The following LRRC61 variants were observed in gnomAD, a reference collection of about 807,000 sequenced individuals.
LRRC61 encodes leucine rich repeat containing 61.
A neutral mutation model predicts 15.1 loss-of-function variants in LRRC61; 9 were observed. The observed-to-expected ratio is 0.60, with a 90% CI of 0.36 to 1.04. The LOEUF is 1.04. Ranked by LOEUF, LRRC61 falls within the 50% of genes least tolerant of loss-of-function variation. LRRC61 has a pLI of 0.01. For missense variants in LRRC61, 344 were observed against 335.6 expected (o/e 1.03, Z -0.20); for synonymous variants, 173 against 158.6 (o/e 1.09, Z -0.68).
chr7:150,334,739 C>T (rs1221768137), intron 2 of LRRC61, among the ~76,000 whole-genome samples: 1 of 152,168 alleles, frequency 6.6e-6, no homozygotes, highest in African/African-American at 2.4e-5. Context: ...AGCCCCGGGC[C>T]GGGTGTGGTG....
In LRRC61 at chr7:150,330,316, G is replaced by A. The variant is rs1041578118; in HGVS notation, c.-145+4306G>A. On this transcript the variant is annotated intron_variant, in intron 2 of 2. Transcript: ENST00000359623. The surrounding 1 kb of genome is among the most constrained non-coding windows in gnomAD (Gnocchi z 4.6). ...CAGCCCCTTCAAGAGTACAAGGGCA[G>A]GCACCAGCTGGGGAAGGCTGGTGTT... 1 of 720,296 alleles carries A rather than the reference G, an allele frequency of 1.4e-6. No individual in the cohort carries two copies. The highest frequency in any genetic ancestry group is 2.5e-6 in the Non-Finnish European group (1 of 395,346). 44.6% of individuals were successfully genotyped at this position (720,296 alleles called of 1,614,324 possible).
chr7:150,329,058 T>G (rs1211810062), intron 2 of LRRC61, among the ~76,000 whole-genome samples: 1 of 152,194 alleles, frequency 6.6e-6, no homozygotes, highest in African/African-American at 2.4e-5. Flanking sequence ...AAACCTAGTC[T>G]CCCGTGAAAC....
At chr7:150,332,052 A>C (rs1429560045) in intron 2 of LRRC61, 1 of 167,114 alleles carries the variant, frequency 6.0e-6, no homozygotes, top group Non-Finnish European at 1.5e-5. Flanking sequence ...CAGCAGCCTC[A>C]GTAGCTTTCC....
chr7:150,312,458 G>A, the LRRC61 span, among the ~76,000 whole-genome samples: 1 of 152,112 alleles, frequency 6.6e-6, no homozygotes, highest in African/African-American at 2.4e-5. Context: ...ACAGACAATG[G>A]GGACAAAAAG....
intron 2 of LRRC61, chr7:150,334,019 A>G: frequency 1.0e-6 from 1 of 985,030 alleles, no homozygotes; most frequent in Non-Finnish European, 1.2e-6. Context: ...TTGGAGGGCA[A>G]CAGGGAAGGG....
intron 2 of LRRC61, chr7:150,331,249 A>C: frequency 2.3e-6 from 2 of 884,736 alleles, no homozygotes; most frequent in Non-Finnish European, 3.4e-6. Context: ...GCCTCCCCTC[A>C]TCTGCTCTAG....
chr7:150,314,585 T>C, the LRRC61 span, among the ~76,000 whole-genome samples: 1 of 152,136 alleles, frequency 6.6e-6, no homozygotes, highest in African/African-American at 2.4e-5. Context: ...GAGGTGTTTT[T>C]TGTGGGTATC....
At position 150,333,482 on chromosome 7, in the gene LRRC61, G is replaced by T. The variant is rs554981565; in HGVS notation, c.-144-3236G>T. 6.6e-6 allele frequency among the ~76,000 whole-genome samples: 1 copy of T among 152,200 alleles called. No homozygotes were observed. The highest frequency in any genetic ancestry group is 1.5e-5 in the Non-Finnish European group (1 of 68,042). ...GGGTTGGGAAGCCCTCTTCTAGAGC[G>T]TTAGAGCCTCCAGTCCACCCGAGGC... On this transcript the variant is annotated intron_variant, in intron 2 of 2. Transcript: ENST00000359623. This position sits in a 1 kb window ranked among gnomAD's most constrained non-coding sequence, Gnocchi z 4.3.
At chr7:150,313,459 A>T in the LRRC61 span, among the ~76,000 whole-genome samples, 1 of 152,254 alleles carries the variant, frequency 6.6e-6, no homozygotes, top group African/African-American at 2.4e-5. Context: ...GTGGAGACCA[A>T]GGTTTTATCA....
the LRRC61 span, among the ~76,000 whole-genome samples, chr7:150,313,325 G>C: frequency 6.6e-6 from 1 of 152,144 alleles, no homozygotes; most frequent in Admixed American, 6.5e-5. Flanking sequence ...GGGTGGGTGG[G>C]GGTGTTCCAG....
chr7:150,333,820 G>A lies in LRRC61; in HGVS notation c.-144-2898G>A, dbSNP rs1386524491. 9.2e-6 allele frequency: 8 copies of A among 867,696 alleles called. No individual in the cohort carries two copies. The highest frequency in any genetic ancestry group is 1.1e-5 in the Non-Finnish European group (8 of 722,834). The allele number at this position is 867,696 out of a possible 1,614,324, so 53.7% of individuals were successfully genotyped here. A position where few individuals can be genotyped will look rare whatever the true frequency, so the allele number is the denominator to read the frequency against. ...GGCAGCCTGATGGTTAGTTGGGTCT[G>A]CACAGGTGGGCGCCGGCTGGTTCTC... On this transcript the variant is annotated intron_variant, in intron 2 of 2. Coordinates refer to ENST00000359623, the MANE Select transcript of LRRC61 (RefSeq NM_001142928.2). This position sits in a 1 kb window ranked among gnomAD's most constrained non-coding sequence, Gnocchi z 4.3.
the LRRC61 span, among the ~76,000 whole-genome samples, chr7:150,313,919 G>A: frequency 1.3e-5 from 2 of 152,198 alleles, no homozygotes; most frequent in African/African-American, 4.8e-5. Flanking sequence ...CAAGGGACTT[G>A]GGGACTGTGA....
At chr7:150,331,443 A>C in intron 2 of LRRC61, 2 of 260,722 alleles carry the variant, frequency 7.7e-6, no homozygotes, top group Non-Finnish European at 1.5e-5. Flanking sequence ...TCTTAAACCT[A>C]TTTGGTAGGA....
At chr7:150,329,384 G>A (rs757268002) in intron 2 of LRRC61, among the ~76,000 whole-genome samples, 13 of 152,234 alleles carry the variant, frequency 8.5e-5, no homozygotes, top group Admixed American at 5.9e-4. Context: ...CCCGGGAGAC[G>A]GGGGACCGAG....
In LRRC61 at chr7:150,333,498, C is replaced by T. The variant is rs1271127779; in HGVS notation, c.-144-3220C>T. Among the ~76,000 whole-genome samples the T allele has an allele frequency of 6.6e-6, 1 of 152,236 alleles. No individual in the cohort carries two copies. The highest frequency in any genetic ancestry group is 1.5e-5 in the Non-Finnish European group (1 of 68,042). On this transcript the variant is annotated intron_variant, in intron 2 of 2. Transcript: ENST00000359623. This position sits in a 1 kb window ranked among gnomAD's most constrained non-coding sequence, Gnocchi z 4.3. ...TTCTAGAGCGTTAGAGCCTCCAGTC[C>T]ACCCGAGGCTGCTCTGGGTTGAAGC...
the LRRC61 span, among the ~76,000 whole-genome samples, chr7:150,312,037 T>A: frequency 2.6e-5 from 4 of 152,170 alleles, no homozygotes; most frequent in Non-Finnish European, 5.9e-5. Flanking sequence ...AAGGCTGAGG[T>A]CATTCACTGT....
At chr7:150,316,026 C>T in the LRRC61 span, among the ~76,000 whole-genome samples, 2 of 152,086 alleles carry the variant, frequency 1.3e-5, no homozygotes, top group Non-Finnish European at 2.9e-5. Flanking sequence ...GGAGAAACCC[C>T]GTCTCTACTA....
chr7:150,311,378 T>C, the LRRC61 span, among the ~76,000 whole-genome samples: 1 of 152,236 alleles, frequency 6.6e-6, no homozygotes, highest in Non-Finnish European at 1.5e-5. Context: ...CAGTGGCAGC[T>C]GCTGCTTTAA....
Position 150,325,865 on chromosome 7 carries a change from C to T in LRRC61, c.-290C>T, listed in dbSNP as rs1012518942. The T allele has an allele frequency of 6.6e-6, 1 of 152,658 alleles. No homozygotes were observed. The highest frequency in any genetic ancestry group is 1.5e-5 in the Non-Finnish European group (1 of 68,036). 9.5% of individuals were successfully genotyped at this position (152,658 alleles called of 1,614,324 possible). A position where few individuals can be genotyped will look rare whatever the true frequency, so the allele number is the denominator to read the frequency against. On this transcript the variant is annotated 5_prime_UTR_variant, in exon 2 of 3. Transcript: ENST00000359623. ...GATTCATTTGGATTCAAGGTTGGCT[C>T]TCAACAGTGCCAGCTGCACTGTCAT... is the stretch of plus-strand genomic sequence containing the variant.
Sources: allele counts gnomAD v4.1 joint callset (sites outside exome capture counted in the v4.1 genomes callset), GRCh38; gene constraint gnomAD v4.1.1; non-coding constraint Gnocchi (gnomAD v3.1); transcripts MANE v1.5; gene names NCBI Gene and HGNC (gene_info 2026-07-23, HGNC 2026-07-21).